Variants in SULT1C2 observed in about 807,000 individuals in gnomAD.
SULT1C2 encodes sulfotransferase 1C2.
SULT1C2 carries 27 observed loss-of-function variants against 36.0 expected under a neutral mutation model. The ratio of observed to expected loss-of-function variants is 0.75; its 90% CI spans 0.55 to 1.03. SULT1C2 has a LOEUF of 1.03. SULT1C2 is among the 50% of genes least tolerant of loss of function. The pLI, the probability that SULT1C2 is intolerant of heterozygous loss-of-function variation, is 0.00. For missense variants in SULT1C2, 395 were observed against 359.2 expected, an observed-to-expected ratio of 1.10 and a Z score of -0.80; for synonymous variants, 121 against 116.0, an observed-to-expected ratio of 1.04 and a Z score of -0.27.
chr2:108,308,205 C>T (rs1677069112), intron 7 of SULT1C2, 147 bp from the exon 8 acceptor site: 1 of 674,626 alleles, frequency 1.5e-6, no homozygotes, highest in Non-Finnish European at 2.6e-6. Context: ...AGGAGAGCTG[C>T]TCATGGACAG....
chr2:108,309,005 T>C lies in SULT1C2; in HGVS notation c.*541T>C, dbSNP rs1677089421. On this transcript the variant is annotated 3_prime_UTR_variant, in exon 8 of 8. Coordinates refer to ENST00000251481, the MANE Select transcript of SULT1C2 (RefSeq NM_001056.4). ...CCCTCACTGGTGGGTGGGAATAAAA[T>C]GGAAGTGCACAGAGGAGATGTCAGA... 6.6e-6 allele frequency: 1 copy of C among 152,620 alleles called. No individual in the cohort carries two copies. The highest frequency in any genetic ancestry group is 1.5e-5 in the Non-Finnish European group (1 of 68,422). The allele number at this position is 152,620 out of a possible 1,614,324, so 9.5% of individuals were successfully genotyped here. A position where few individuals can be genotyped will look rare whatever the true frequency, so the allele number is the denominator to read the frequency against.
chr2:108,298,781 C>G, intron 3 of SULT1C2: 1 of 219,274 alleles, frequency 4.6e-6, no homozygotes, highest in South Asian at 4.5e-5. Context: ...TTTTTTCTAG[C>G]TCTTGTTCAT....
At position 108,308,892 on chromosome 2, in the gene SULT1C2, A is replaced by G. The variant is rs114245761; in HGVS notation, c.*428A>G. The G allele has an allele frequency of 0.012, 1,857 of 154,378 alleles. 35 individuals are homozygous for G. The highest frequency in any genetic ancestry group is 0.042 in the African/African-American group (1,759 of 41,584). The allele number at this position is 154,378 out of a possible 1,614,324, so 9.6% of individuals were successfully genotyped here. A position where few individuals can be genotyped will look rare whatever the true frequency, so the allele number is the denominator to read the frequency against. ...TTCAGGCAACTCCAGCCTGGGCTCA[A>G]TCCTGGAGTTCTGTCTGGTCACTAT... On this transcript the variant is annotated 3_prime_UTR_variant, in exon 8 of 8. Coordinates refer to ENST00000251481, the MANE Select transcript of SULT1C2 (RefSeq NM_001056.4).
At chr2:108,306,843 T>C (rs1419515001) in intron 7 of SULT1C2, among the ~76,000 whole-genome samples, 2 of 149,254 alleles carry the variant, frequency 1.3e-5, no homozygotes, top group African/African-American at 2.5e-5. Context: ...GAGGCAGAGG[T>C]TGCAGTGAGC....
intron 3 of SULT1C2, among the ~76,000 whole-genome samples, chr2:108,297,783 G>A (rs867562153): frequency 1.6e-4 from 24 of 152,180 alleles, no homozygotes; most frequent in Middle Eastern, 6.8e-3. Flanking sequence ...GTCAAGCCCC[G>A]ACTCCACAGT....
Position 108,305,574 on chromosome 2 carries a change from A to G in SULT1C2, c.757A>G (p.Ile253Val), listed in dbSNP as rs748698161. The change falls in exon 7 of 8, where the codon ATT (isoleucine) becomes GTT (valine). Residue 253 changes from isoleucine (I) to valine (V), a missense_variant. Ile to Val is a conservative substitution (Grantham distance 29, BLOSUM62 3). Coordinates refer to ENST00000251481, the MANE Select transcript of SULT1C2 (RefSeq NM_001056.4). ...TTCCAAATCTATCTTGGACCAGTCA[A>G]TTTCCTCCTTCATGAGAAAAGGTGT... is the stretch of plus-strand genomic sequence containing the variant. The part of the protein sequence containing the change: ...TVSKSILDQS[I>V]SSFMRKGTVG... 1.3e-5 allele frequency: 21 copies of G among 1,614,006 alleles called. No homozygotes were observed. The Admixed American group carries it at 1.3e-4, about 10-fold the overall frequency.
At chr2:108,297,394 C>T (rs1245246719) in intron 3 of SULT1C2, among the ~76,000 whole-genome samples, 1 of 152,216 alleles carries the variant, frequency 6.6e-6, no homozygotes, top group African/African-American at 2.4e-5. Flanking sequence ...TTCTGTTTAA[C>T]TTTGTACTCC....
At chr2:108,304,353 T>C (rs192898179) in intron 4 of SULT1C2, 10 of 428,748 alleles carry the variant, frequency 2.3e-5, no homozygotes, top group Admixed American at 2.0e-4. Flanking sequence ...CAATCCCTAA[T>C]TGATTAGCTA....
At chr2:108,297,089 T>C (rs893430651) in intron 3 of SULT1C2, among the ~76,000 whole-genome samples, 2 of 152,216 alleles carry the variant, frequency 1.3e-5, no homozygotes, top group African/African-American at 4.8e-5. Flanking sequence ...GTGTGTGAAC[T>C]GTATATAGGT....
At chr2:108,305,800 A>C in intron 7 of SULT1C2, 1 of 634,496 alleles carries the variant, frequency 1.6e-6, no homozygotes, top group South Asian at 2.0e-5. Flanking sequence ...CAAGGAACAG[A>C]GAGTCCCTCA....
intron 7 of SULT1C2, among the ~76,000 whole-genome samples, chr2:108,306,796 T>C (rs1037316959): frequency 1.3e-5 from 2 of 151,244 alleles, no homozygotes; most frequent in Non-Finnish European, 2.9e-5. Flanking sequence ...GTCCCAGCTA[T>C]TCGGGAGGCT....
At chr2:108,300,694 A>G (rs1339218469) in intron 3 of SULT1C2, 144 bp from the exon 4 acceptor site, 18 of 1,328,664 alleles carry the variant, frequency 1.4e-5, no homozygotes, top group Non-Finnish European at 1.6e-5. Flanking sequence ...TATATTAATA[A>G]TCCCATTGTA....
intron 3 of SULT1C2, among the ~76,000 whole-genome samples, chr2:108,295,556 G>A (rs181714416): frequency 5.6e-4 from 86 of 152,282 alleles, no homozygotes; most frequent in African/African-American, 1.9e-3. Flanking sequence ...TCCTGACTCC[G>A]TCACTCACCT....
chr2:108,296,484 C>T lies in SULT1C2; in HGVS notation c.277+2130C>T, dbSNP rs571581142. Among the ~76,000 whole-genome samples, 5 of 151,360 alleles carry T rather than the reference C, an allele frequency of 3.3e-5. No individual in the cohort carries two copies. In the South Asian group the frequency reaches 1.0e-3, roughly 32 times the overall value. ...GTTTTTTTTTTGAGACAAAGTCTGG[C>T]TCTGTTGCCCAGGCAGGAGTGCAAT... On this transcript the variant is annotated intron_variant, in intron 3 of 7. Coordinates refer to ENST00000251481, the MANE Select transcript of SULT1C2 (RefSeq NM_001056.4).
rs567357670 is a variant in SULT1C2, at chr2:108,288,919, A to T, written c.-173A>T. The T allele has an allele frequency of 2.6e-5, 4 of 152,642 alleles. No individual in the cohort carries two copies. The highest frequency in any genetic ancestry group is 9.6e-5 in the African/African-American group (4 of 41,530). 9.5% of individuals were successfully genotyped at this position (152,642 alleles called of 1,614,324 possible). On this transcript the variant is annotated 5_prime_UTR_variant, in exon 1 of 8. It adds an upstream start codon to the 5' untranslated region. Coordinates refer to ENST00000251481, the MANE Select transcript of SULT1C2 (RefSeq NM_001056.4). ...CACACTGAAGCTGAGAGCCTCCCAA[A>T]GTGCTGGCTACCTGCTGAGCGCCCC...
Position 108,293,740 on chromosome 2 carries a change from A to C in SULT1C2, c.73A>C (p.Thr25Pro), listed in dbSNP as rs775050627. Residue 25 changes from threonine to proline, a missense_variant, in exon 2 of 8, where the codon ACT (threonine) becomes CCT (proline). Physicochemically the swap from Thr to Pro is conservative, Grantham distance 38. Transcript: ENST00000251481. Reference sequence around the variant, plus strand: ...GGAGGGGACCCTCCTGCAGCCTGCAACTGTGGACAACTGGAGCCAGATCCA... The same window carrying C: ...GGAGGGGACCCTCCTGCAGCCTGCACCTGTGGACAACTGGAGCCAGATCCA... ...EVEGTLLQPATVDNWSQIQSF... is the reference protein window; with the variant it reads ...EVEGTLLQPAPVDNWSQIQSF... 2.5e-6 allele frequency: 4 copies of C among 1,614,120 alleles called. No individual in the cohort carries two copies. The highest frequency in any genetic ancestry group is 3.4e-6 in the Non-Finnish European group (4 of 1,180,016).
At position 108,305,529 on chromosome 2, in the gene SULT1C2, A is replaced by G. The variant is rs367643837; in HGVS notation, c.712A>G (p.Met238Val). The part of the protein sequence containing the change: ...TSFEKMKENP[M>V]TNRSTVSKSI... ...ATTTGAGAAAATGAAAGAAAATCCC[A>G]TGACAAATCGTTCTACAGTTTCCAA... is the stretch of plus-strand genomic sequence containing the variant. The change falls in exon 7 of 8, where the codon ATG (methionine) becomes GTG (valine). Residue 238 changes from methionine (M) to valine (V), a missense_variant. Transcript: ENST00000251481. 7.4e-6 allele frequency: 12 copies of G among 1,614,060 alleles called. No homozygotes were observed. Among genetic ancestry groups the G allele is most frequent in the Non-Finnish European group, 1.0e-5 (12 of 1,180,034 alleles).
chr2:108,294,295 G>C lies in SULT1C2; in HGVS notation c.218G>C (p.Arg73Pro), dbSNP rs17036058. 3.1e-6 allele frequency: 5 copies of C among 1,613,942 alleles called. No homozygotes were observed. The highest frequency in any genetic ancestry group is 4.2e-6 in the Non-Finnish European group (5 of 1,179,998). ...AATGGGGACGTGGAGAAGTGCCAGC[G>C]AGCCATCATCCAACACCGCCATCCT... is the stretch of plus-strand genomic sequence containing the variant. ...EQNGDVEKCQ[R>P]AIIQHRHPFI... The change falls in exon 3 of 8, where the codon CGA becomes CCA. Residue 73 changes from arginine (R) to proline (P), a missense_variant. Transcript: ENST00000251481.
chr2:108,294,310 A>G lies in SULT1C2; in HGVS notation c.233A>G (p.His78Arg), dbSNP rs1480506074. Residue 78 changes from histidine to arginine, a missense_variant, in exon 3 of 8, where the codon CAC becomes CGC. Physicochemically the swap from His to Arg is conservative, Grantham distance 29 (BLOSUM62 0). Coordinates refer to ENST00000251481, the MANE Select transcript of SULT1C2 (RefSeq NM_001056.4). ...VEKCQRAIIQHRHPFIEWARP... is the reference protein window; with the variant it reads ...VEKCQRAIIQRRHPFIEWARP... Reference sequence around the variant, plus strand: ...AAGTGCCAGCGAGCCATCATCCAACACCGCCATCCTTTCATTGAGTGGGCT... The same window carrying G: ...AAGTGCCAGCGAGCCATCATCCAACGCCGCCATCCTTTCATTGAGTGGGCT... 6.2e-7 allele frequency: 1 copy of G among 1,613,990 alleles called. No homozygotes were observed. The highest frequency in any genetic ancestry group is 2.2e-5 in the East Asian group (1 of 44,874).
Sources: gnomAD v4.1 joint callset for allele counts (sites outside exome capture counted in the v4.1 genomes callset) on GRCh38, gnomAD v4.1.1 for gene constraint, MANE v1.5 for transcripts, NCBI Gene and HGNC (gene_info 2026-07-23, HGNC 2026-07-21) for gene names.